The following SNX29 variants were observed in gnomAD, a reference collection of about 807,000 sequenced individuals.
The protein encoded by SNX29 is sorting nexin-29.
In SNX29, 78 loss-of-function variants were observed where a neutral mutation model predicts 102.1. The ratio of observed to expected loss-of-function variants is 0.76; its 90% CI spans 0.64 to 0.92. SNX29 has a LOEUF of 0.92. Ranked by LOEUF, SNX29 falls within the 40% of genes least tolerant of loss-of-function variation. SNX29 has a pLI of 0.00. For missense variants in SNX29, 1,280 were observed against 1,061.7 expected (o/e 1.21, Z -2.86); for synonymous variants, 580 against 414.5 (o/e 1.40, Z -4.85).
At chr16:12,231,256 C>T (rs553988937) in intron 14 of SNX29, among the ~76,000 whole-genome samples, 2 of 152,194 alleles carry the variant, frequency 1.3e-5, no homozygotes, top group South Asian at 4.2e-4. Flanking sequence ...AAACTTAGTC[C>T]CTTTCCACCA....
chr16:12,057,114 C>T (rs55845335), intron 8 of SNX29, among the ~76,000 whole-genome samples: 5 of 152,012 alleles, frequency 3.3e-5, no homozygotes, highest in African/African-American at 7.3e-5. Context: ...GAGCCAGGCC[C>T]AGATGGGGCT....
intron 1 of SNX29, among the ~76,000 whole-genome samples, chr16:11,985,488 G>A (rs2055578879): frequency 6.6e-6 from 1 of 152,172 alleles, no homozygotes; most frequent in South Asian, 2.1e-4. Flanking sequence ...CGTGTTAAAG[G>A]ACTATCAGGA....
At chr16:12,326,409 G>A (rs1053172648) in intron 15 of SNX29, among the ~76,000 whole-genome samples, 1 of 150,968 alleles carries the variant, frequency 6.6e-6, no homozygotes, top group African/African-American at 2.4e-5. Context: ...AGGTGGGCAT[G>A]GCATGGAGGC....
intron 15 of SNX29, among the ~76,000 whole-genome samples, chr16:12,283,381 G>T (rs375530944): frequency 6.6e-6 from 1 of 151,058 alleles, no homozygotes; most frequent in African/African-American, 2.4e-5. Context: ...GTGTAGTGGC[G>T]TGATCTTGGC....
chr16:12,569,721 G>C lies in SNX29; in HGVS notation c.*1092G>C. 1 of 230,558 alleles carries C rather than the reference G, an allele frequency of 4.3e-6. No homozygotes were observed. Among genetic ancestry groups the C allele is most frequent in the East Asian group, 6.2e-5 (1 of 16,258 alleles). 14.3% of individuals were successfully genotyped at this position (230,558 alleles called of 1,614,324 possible). On this transcript the variant is annotated 3_prime_UTR_variant, in exon 21 of 21. Transcript: ENST00000566228. ...GTGGAGAGGAGGATGGGGACCAGCAGCTGGGCAGCCCCCAGGGCTCCTCCT... is the reference window on the plus strand; with the variant it reads ...GTGGAGAGGAGGATGGGGACCAGCACCTGGGCAGCCCCCAGGGCTCCTCCT...
At chr16:12,322,754 ACT>A (rs2080981095) in intron 15 of SNX29, among the ~76,000 whole-genome samples, 1 of 151,034 alleles carries the variant, frequency 6.6e-6, no homozygotes, top group African/African-American at 2.4e-5. Flanking sequence ...CACTGGAGTT[ACT>A]GGGGGACCAC....
At chr16:12,189,430 G>T (rs542351235) in intron 13 of SNX29, among the ~76,000 whole-genome samples, 1 of 152,146 alleles carries the variant, frequency 6.6e-6, no homozygotes, top group South Asian at 2.1e-4. Context: ...CAGAATGTCC[G>T]TGCCTTTGGT....
At chr16:12,122,242 C>T (rs1366151853) in intron 11 of SNX29, among the ~76,000 whole-genome samples, 3 of 152,152 alleles carry the variant, frequency 2.0e-5, no homozygotes, top group African/African-American at 4.8e-5. Flanking sequence ...ATGCCTCTGT[C>T]GCCACCTTCC....
intron 15 of SNX29, among the ~76,000 whole-genome samples, chr16:12,328,157 T>A (rs534161636): frequency 6.6e-6 from 1 of 152,312 alleles, no homozygotes; most frequent in East Asian, 1.9e-4. Flanking sequence ...TATGGCACGT[T>A]TGGCACAGTG....
At chr16:12,025,384 C>A (rs1205810223) in intron 3 of SNX29, among the ~76,000 whole-genome samples, 1 of 150,496 alleles carries the variant, frequency 6.6e-6, no homozygotes. Flanking sequence ...GTGATATCTG[C>A]CCAGCAAAGA....
chr16:12,463,160 T>C (rs997799306), intron 18 of SNX29, among the ~76,000 whole-genome samples: 5 of 152,312 alleles, frequency 3.3e-5, no homozygotes, highest in African/African-American at 1.2e-4. Context: ...TCGTTGTCGC[T>C]CTGACTTGGG....
At chr16:12,514,627 G>A (rs1567641308) in intron 19 of SNX29, among the ~76,000 whole-genome samples, 1 of 152,132 alleles carries the variant, frequency 6.6e-6, no homozygotes, top group African/African-American at 2.4e-5. Context: ...CACTTTGGGA[G>A]GCCAAGACGG....
chr16:12,324,560 A>G (rs367705485), intron 15 of SNX29, among the ~76,000 whole-genome samples: 1 of 152,194 alleles, frequency 6.6e-6, no homozygotes, highest in East Asian at 1.9e-4. Flanking sequence ...GGCCTGAGCC[A>G]CTGTGCCTGT....
intron 18 of SNX29, among the ~76,000 whole-genome samples, chr16:12,464,706 C>T (rs887122368): frequency 6.6e-6 from 1 of 152,236 alleles, no homozygotes; most frequent in Non-Finnish European, 1.5e-5. Flanking sequence ...CCTCCCACCT[C>T]AGCCTCCGAA....
chr16:12,487,982 C>T (rs780292327), intron 19 of SNX29, among the ~76,000 whole-genome samples: 4 of 152,156 alleles, frequency 2.6e-5, no homozygotes, highest in African/African-American at 4.8e-5. Flanking sequence ...CAACCACTAA[C>T]GTCATCTTGC....
At chr16:12,111,029 C>T (rs929037606) in intron 11 of SNX29, among the ~76,000 whole-genome samples, 1 of 152,006 alleles carries the variant, frequency 6.6e-6, no homozygotes, top group African/African-American at 2.4e-5. Flanking sequence ...GCTATGTTGC[C>T]TCAAACTCCT....
chr16:12,356,322 G>A (rs1303935611), intron 16 of SNX29, 43 bp downstream of exon 16: 1 of 1,518,184 alleles, frequency 6.6e-7, no homozygotes, highest in East Asian at 2.4e-5. Context: ...AGCCTCTGCT[G>A]CCCACAGCCC....
At chr16:12,425,542 A>T (rs556845584) in intron 18 of SNX29, among the ~76,000 whole-genome samples, 6 of 61,188 alleles carry the variant, frequency 9.8e-5, no homozygotes, top group South Asian at 3.4e-4. Context: ...AAAAAAAAAA[A>T]AATAAAAAAA....
chr16:12,238,956 CAGG>C (rs2142269264), intron 14 of SNX29, among the ~76,000 whole-genome samples: 1 of 152,280 alleles, frequency 6.6e-6, no homozygotes, highest in Non-Finnish European at 1.5e-5. Flanking sequence ...AGGTAGCAAA[CAGG>C]AGAAAACAGG....
Sources: allele counts gnomAD v4.1 joint callset (sites outside exome capture counted in the v4.1 genomes callset), GRCh38; gene constraint gnomAD v4.1.1; transcripts MANE v1.5; gene names NCBI Gene and HGNC (gene_info 2026-07-23, HGNC 2026-07-21).